The following RAB3GAP1 variants were observed in gnomAD, a reference collection of about 807,000 sequenced individuals.
RAB3GAP1 encodes the protein RAB3 GTPase activating protein catalytic subunit 1, also known as rab3 GTPase-activating protein catalytic subunit.
RAB3GAP1 carries 86 observed loss-of-function variants against 130.7 expected under a neutral mutation model. That is an observed-to-expected ratio of 0.66 (90% CI 0.55 to 0.79). The LOEUF (loss-of-function observed/expected upper bound fraction) is 0.79, where lower values mean the gene tolerates loss of function less well. RAB3GAP1 is among the 30% of genes least tolerant of loss of function. The probability of loss-of-function intolerance (pLI) is 0.00; values close to 1 mark genes in which losing one functional copy is unlikely to be tolerated. For missense variants in RAB3GAP1, 1,029 were observed against 1,169.4 expected, an observed-to-expected ratio of 0.88 and a Z score of 1.75; for synonymous variants, 367 against 401.7, an observed-to-expected ratio of 0.91 and a Z score of 1.03.
chr2:135,055,678 CAAAA>C (rs1209770688), intron 2 of RAB3GAP1, among the ~76,000 whole-genome samples: 6 of 65,784 alleles, frequency 9.1e-5, no homozygotes, highest in Admixed American at 1.7e-4. Flanking sequence ...GACCCTGTCT[CAAAA>C]AAAAAAAAAA....
At chr2:135,150,630 A>C (rs772330530) in intron 18 of RAB3GAP1, 124 bp downstream of exon 18, 14 of 1,264,310 alleles carry the variant, frequency 1.1e-5, no homozygotes, top group Non-Finnish European at 1.6e-5. Context: ...GGATTTCATT[A>C]GTAGTTCAAC....
At chr2:135,072,792 A>G (rs75552841) in intron 3 of RAB3GAP1, among the ~76,000 whole-genome samples, 3,818 of 152,230 alleles carry the variant, frequency 0.025, 140 homozygotes, top group African/African-American at 0.085. Flanking sequence ...TATAACCTTT[A>G]ATTAGGCAGA....
At chr2:135,166,506 G>A (rs529899931) in intron 23 of RAB3GAP1, among the ~76,000 whole-genome samples, 12 of 151,818 alleles carry the variant, frequency 7.9e-5, no homozygotes, top group Non-Finnish European at 1.3e-4. Context: ...GCACCACCAC[G>A]CCCAGTTAAT....
At chr2:135,065,175 C>T (rs1444480991) in intron 3 of RAB3GAP1, among the ~76,000 whole-genome samples, 1 of 152,174 alleles carries the variant, frequency 6.6e-6, no homozygotes, top group Non-Finnish European at 1.5e-5. Context: ...TCCTGTCACC[C>T]TCAAACTTTG....
chr2:135,140,694 G>T (rs962039551), intron 17 of RAB3GAP1, among the ~76,000 whole-genome samples: 9 of 152,218 alleles, frequency 5.9e-5, no homozygotes, highest in Non-Finnish European at 1.3e-4. Flanking sequence ...TATCAGTAGG[G>T]GCTGGTCAAG....
chr2:135,125,830 A>T (rs1691333623), intron 9 of RAB3GAP1, among the ~76,000 whole-genome samples: 1 of 152,222 alleles, frequency 6.6e-6, no homozygotes, highest in South Asian at 2.1e-4. Context: ...GATTTAGGGT[A>T]ACTGAAGCTG....
chr2:135,081,887 C>T (rs902102135), intron 3 of RAB3GAP1, among the ~76,000 whole-genome samples: 3 of 151,896 alleles, frequency 2.0e-5, no homozygotes, highest in Non-Finnish European at 4.4e-5. Flanking sequence ...ACATCTGTAA[C>T]CCCAGTATTT....
intron 18 of RAB3GAP1, among the ~76,000 whole-genome samples, chr2:135,152,233 C>T (rs1002684799): frequency 7.2e-5 from 11 of 152,136 alleles, no homozygotes; most frequent in Non-Finnish European, 1.2e-4. Flanking sequence ...TGGGCACCTA[C>T]ACCTACACCT....
intron 5 of RAB3GAP1, among the ~76,000 whole-genome samples, chr2:135,105,442 C>G (rs1366505314): frequency 1.3e-5 from 2 of 151,784 alleles, no homozygotes; most frequent in East Asian, 3.9e-4. Context: ...CTCTGTTGGC[C>G]GGGCTGGTCT....
At chr2:135,165,351 A>T (rs1692607336) in intron 23 of RAB3GAP1, among the ~76,000 whole-genome samples, 1 of 152,322 alleles carries the variant, frequency 6.6e-6, no homozygotes, top group South Asian at 2.1e-4. Flanking sequence ...AGGGCTCATT[A>T]ATATTAGGGA....
chr2:135,103,917 C>G lies in RAB3GAP1; in HGVS notation c.363-9234C>G, dbSNP rs527589112. On this transcript the variant is annotated intron_variant, in intron 5 of 23. Coordinates refer to ENST00000264158, the MANE Select transcript of RAB3GAP1 (RefSeq NM_012233.3). ...AGCCATAGAAAGACAGATACCCTCT[C>G]TACACATCCGTAGATGACAGGAAAA... Among the ~76,000 whole-genome samples, 10 of 152,292 alleles carry G rather than the reference C, an allele frequency of 6.6e-5. No homozygotes were observed. In the South Asian group the frequency reaches 2.1e-3, roughly 32 times the overall value.
chr2:135,064,283 C>T (rs1333078679), intron 3 of RAB3GAP1, among the ~76,000 whole-genome samples: 8 of 151,614 alleles, frequency 5.3e-5, no homozygotes, highest in Non-Finnish European at 1.0e-4. Context: ...ATTTTTTTGC[C>T]CCATTCTCTA....
At chr2:135,150,340 T>G (rs1207466899) in intron 17 of RAB3GAP1, 29 bp from the exon 18 acceptor site, 5 of 1,614,080 alleles carry the variant, frequency 3.1e-6, no homozygotes, top group Non-Finnish European at 4.2e-6. Flanking sequence ...AAGGGCTGTT[T>G]ATGAGCCTTG....
intron 6 of RAB3GAP1, 72 bp downstream of exon 6, chr2:135,113,342 T>C (rs1690875509): frequency 4.5e-6 from 7 of 1,562,476 alleles, no homozygotes; most frequent in Non-Finnish European, 6.2e-6. Flanking sequence ...CAAACAGTTA[T>C]TAAATGTTAG....
chr2:135,092,339 T>C (rs1690166022), intron 4 of RAB3GAP1, among the ~76,000 whole-genome samples: 1 of 152,204 alleles, frequency 6.6e-6, no homozygotes, highest in Non-Finnish European at 1.5e-5. Context: ...GGGAAGATCA[T>C]GCATCAAGGA....
At position 135,162,360 on chromosome 2, in the gene RAB3GAP1, T is replaced by G. The variant is rs188005159; in HGVS notation, c.2290-195T>G. 5.3e-5 allele frequency: 32 copies of G among 599,624 alleles called. No homozygotes were observed. In the African/African-American group the frequency reaches 5.4e-4, roughly 10 times the overall value. 37.1% of individuals were successfully genotyped at this position (599,624 alleles called of 1,614,324 possible). ...TAAGAAAGCAGAAAAAAATAGAATA[T>G]TTATAATTATTAAAGATTGAAGTTC... On this transcript the variant is annotated intron_variant, in intron 19 of 23. Coordinates refer to ENST00000264158, the MANE Select transcript of RAB3GAP1 (RefSeq NM_012233.3).
chr2:135,160,398 G>A (rs1217431643), intron 19 of RAB3GAP1, among the ~76,000 whole-genome samples: 4 of 152,022 alleles, frequency 2.6e-5, no homozygotes, highest in East Asian at 3.9e-4. Context: ...GCGGCCGGGC[G>A]CGGTGGCTCA....
intron 9 of RAB3GAP1, 70 bp downstream of exon 9, chr2:135,124,316 A>G (rs1691286669): frequency 7.1e-7 from 1 of 1,416,494 alleles, no homozygotes; most frequent in East Asian, 2.3e-5. Flanking sequence ...TATTGATTTC[A>G]CTGTGCTTTA....
chr2:135,090,166 GTAA>G lies in RAB3GAP1; in HGVS notation c.151-826_151-824del, dbSNP rs368555151. 8.5e-4 allele frequency among the ~76,000 whole-genome samples: 129 copies of G among 152,176 alleles called. No individual in the cohort carries two copies. In the East Asian group the frequency reaches 0.018, roughly 21 times the overall value. ...AAAGATTGATATTTGATGTACTTAC[GTAA>G]TAATACACACTTAGGACACTTAAAA... On this transcript the variant is annotated intron_variant, in intron 3 of 23. Coordinates refer to ENST00000264158, the MANE Select transcript of RAB3GAP1 (RefSeq NM_012233.3).
Sources: allele counts gnomAD v4.1 joint callset (sites outside exome capture counted in the v4.1 genomes callset), GRCh38; gene constraint gnomAD v4.1.1; transcripts MANE v1.5; gene names NCBI Gene and HGNC (gene_info 2026-07-23, HGNC 2026-07-21).